CFAP47: variants seen among roughly 807,000 people sequenced by gnomAD.
CFAP47 encodes cilia- and flagella-associated protein 47.
A neutral mutation model predicts 148.1 loss-of-function variants in CFAP47; 29 were observed. That is an observed-to-expected ratio of 0.20 (90% CI 0.15 to 0.27). CFAP47 has a LOEUF of 0.27. CFAP47 is among the 10% of genes least tolerant of loss of function. The pLI, the probability that CFAP47 is intolerant of heterozygous loss-of-function variation, is 1.00. For synonymous variants in CFAP47, 664 were observed against 577.3 expected, an observed-to-expected ratio of 1.15 and a Z score of -2.15; for missense variants, 1,872 against 1,697.5, an observed-to-expected ratio of 1.10 and a Z score of -1.81.
chrX:36,191,565 A>G (rs1444458470), intron 42 of CFAP47, among the ~76,000 whole-genome samples: 1 of 111,971 alleles, frequency 8.9e-6, no homozygotes, highest in Non-Finnish European at 1.9e-5. Context: ...TGTTTCTTAC[A>G]TGAAGAAGAT....
chrX:36,335,178 G>C (rs191907979), intron 57 of CFAP47, among the ~76,000 whole-genome samples: 675 of 110,306 alleles, frequency 6.1e-3, no homozygotes, highest in African/African-American at 0.021. Flanking sequence ...TTTGTCCTTC[G>C]GTTTTACTTG....
At chrX:36,162,263 T>C (rs1939439809) in intron 39 of CFAP47, among the ~76,000 whole-genome samples, 1 of 111,887 alleles carries the variant, frequency 8.9e-6, no homozygotes, top group African/African-American at 3.2e-5. Flanking sequence ...ATATCCTTCC[T>C]TTGAATATGT....
chrX:36,167,171 A>G (rs1164999712), intron 39 of CFAP47, among the ~76,000 whole-genome samples: 1 of 111,423 alleles, frequency 9.0e-6, no homozygotes, highest in Non-Finnish European at 1.9e-5. Context: ...TCTCCATCCA[A>G]TTGTATTTCA....
At chrX:36,235,132 A>G (rs907569343) in intron 46 of CFAP47, among the ~76,000 whole-genome samples, 20 of 111,335 alleles carry the variant, frequency 1.8e-4, no homozygotes, top group African/African-American at 6.2e-4. Context: ...TGGGAGAACC[A>G]CTGCTCTCTT....
chrX:36,346,895 AAAACACC>A (rs1941702092), intron 57 of CFAP47, among the ~76,000 whole-genome samples: 2 of 112,276 alleles, frequency 1.8e-5, no homozygotes, highest in South Asian at 7.4e-4. Context: ...CTTCATGCCT[AAAACACC>A]AAAAGCAATG....
Position 35,938,498 on chromosome X carries a change from G to GT in CFAP47, c.402-2776dup, listed in dbSNP as rs200438423. ...CCATATATCAAACTAAGTTTGACGA[G>GT]TTTTTTTTTAACAGAAAAGCAAAGT... On this transcript the variant is annotated intron_variant, in intron 2 of 63. Transcript: ENST00000378653. 8.3e-3 allele frequency among the ~76,000 whole-genome samples: 909 copies of GT among 109,495 alleles called. 13 individuals carry two copies. The highest frequency in any genetic ancestry group is 0.028 in the African/African-American group (854 of 30,278).
intron 26 of CFAP47, 121 bp downstream of exon 26, chrX:36,047,184 A>G: frequency 5.7e-6 from 3 of 525,124 alleles, no homozygotes; most frequent in Non-Finnish European, 9.0e-6. Context: ...GGACATAAAG[A>G]TTATTTCTAA....
rs782488154 is a variant in CFAP47, at chrX:36,355,349, A to G, written c.8851+1668A>G. ...ATTAAAAAGAGAATTATCATCTATT[A>G]TCTAGCAATCCCTCTTCTGGGCATT... is the stretch of plus-strand genomic sequence containing the variant. On this transcript the variant is annotated intron_variant, in intron 60 of 63. Coordinates refer to ENST00000378653, the MANE Select transcript of CFAP47 (RefSeq NM_001304548.2). Among the ~76,000 whole-genome samples the G allele has an allele frequency of 2.7e-5, 3 of 111,821 alleles. No individual in the cohort carries two copies. The Admixed American group carries it at 2.9e-4, about 11-fold the overall frequency.
At chrX:36,267,526 T>G (rs1940907782) in intron 49 of CFAP47, among the ~76,000 whole-genome samples, 1 of 104,902 alleles carries the variant, frequency 9.5e-6, no homozygotes, top group Non-Finnish European at 2.0e-5. Context: ...TTGCCCAGGT[T>G]GGAGTACAGT....
At chrX:36,024,838 T>A (rs1005669334) in intron 22 of CFAP47, among the ~76,000 whole-genome samples, 1 of 111,872 alleles carries the variant, frequency 8.9e-6, no homozygotes, top group African/African-American at 3.3e-5. Flanking sequence ...AACCAGGTGC[T>A]GTTAGTGGTC....
chrX:36,217,064 T>C (rs946356132), intron 45 of CFAP47, among the ~76,000 whole-genome samples: 6 of 112,203 alleles, frequency 5.3e-5, no homozygotes, highest in African/African-American at 1.9e-4. Context: ...CCCAAAGTTA[T>C]TTTGGCTCAT....
At chrX:36,166,245 T>A (rs1386720578) in intron 39 of CFAP47, among the ~76,000 whole-genome samples, 1 of 110,995 alleles carries the variant, frequency 9.0e-6, no homozygotes, top group African/African-American at 3.3e-5. Flanking sequence ...CATTTTGTTC[T>A]TAATGGTGTG....
At chrX:35,959,926 C>T (rs1400589136) in intron 8 of CFAP47, among the ~76,000 whole-genome samples, 8 of 104,663 alleles carry the variant, frequency 7.6e-5, no homozygotes, top group Non-Finnish European at 1.6e-4. Context: ...TTGTAAATGG[C>T]ATGATTTAGA....
chrX:36,048,188 G>C (rs1218168441), intron 26 of CFAP47, among the ~76,000 whole-genome samples: 2 of 111,929 alleles, frequency 1.8e-5, no homozygotes, highest in Non-Finnish European at 3.8e-5. Flanking sequence ...TTCCTCAAGA[G>C]CTTCCTTTTC....
chrX:36,328,859 C>T (rs1397661986), intron 57 of CFAP47, among the ~76,000 whole-genome samples: 3 of 104,910 alleles, frequency 2.9e-5, no homozygotes, highest in Non-Finnish European at 5.9e-5. Context: ...GGAAGATGTA[C>T]ACTAACAGAG....
At chrX:36,068,934 G>A (rs1476292823) in intron 27 of CFAP47, among the ~76,000 whole-genome samples, 4 of 103,568 alleles carry the variant, frequency 3.9e-5, no homozygotes, top group African/African-American at 1.1e-4. Context: ...CCAGCCTGGC[G>A]ACAGAGCGAG....
At chrX:36,232,934 T>A (rs1466314002) in intron 46 of CFAP47, among the ~76,000 whole-genome samples, 17 of 111,768 alleles carry the variant, frequency 1.5e-4, no homozygotes, top group African/African-American at 5.6e-4. Context: ...TTTGAGTGAG[T>A]TTCTTAATCC....
chrX:36,123,757 G>T (rs1938789078), intron 33 of CFAP47, among the ~76,000 whole-genome samples: 1 of 111,367 alleles, frequency 9.0e-6, no homozygotes, highest in African/African-American at 3.3e-5. Context: ...GGGACTCCAG[G>T]AGCCCACTTG....
intron 40 of CFAP47, among the ~76,000 whole-genome samples, chrX:36,182,419 C>T (rs1252693052): frequency 2.7e-5 from 3 of 111,787 alleles, no homozygotes; most frequent in East Asian, 2.8e-4. Flanking sequence ...GACTTTTATC[C>T]GCAAGTAGCA....
Sources: gnomAD v4.1 joint callset for allele counts (sites outside exome capture counted in the v4.1 genomes callset) on GRCh38, gnomAD v4.1.1 for gene constraint, MANE v1.5 for transcripts, NCBI Gene and HGNC (gene_info 2026-07-23, HGNC 2026-07-21) for gene names.